NISCH: variants seen among roughly 807,000 people sequenced by gnomAD.
The protein encoded by NISCH is I-1 receptor candidate protein.
In NISCH, 55 loss-of-function variants were observed where a neutral mutation model predicts 138.4. The ratio of observed to expected loss-of-function variants is 0.40; its 90% confidence interval spans 0.32 to 0.50. The LOEUF is 0.50. NISCH is among the 20% of genes least tolerant of loss of function. The pLI, the probability that NISCH is intolerant of heterozygous loss-of-function variation, is 0.71. For missense variants in NISCH, 1,643 were observed against 2,005.5 expected (o/e 0.82, Z 3.45); for synonymous variants, 860 against 861.5 (o/e 1.00, Z 0.03).
At chr3:52,484,462 T>TGGGGGGCCCCCCCC in intron 13 of NISCH, 51 bp from the exon 14 acceptor site, 1 of 788,670 alleles carries the variant, frequency 1.3e-6, no homozygotes, top group Non-Finnish European at 1.8e-6. Context: ...ACAGCCGCTC[T>TGGGGGGCCCCCCCC]CCCCGCCCCA....
intron 3 of NISCH, among the ~76,000 whole-genome samples, chr3:52,467,913 A>G (rs1559626878): frequency 6.6e-6 from 1 of 152,160 alleles, no homozygotes; most frequent in Non-Finnish European, 1.5e-5. Context: ...TGCCTAGCCC[A>G]GGGTGATTTT....
At chr3:52,489,272 G>A (rs1341420535) in intron 16 of NISCH, 64 bp from the exon 17 acceptor site, 7 of 1,551,662 alleles carry the variant, frequency 4.5e-6, no homozygotes, top group South Asian at 2.5e-5. Flanking sequence ...CTCTGAAGCT[G>A]CACATGCGAT....
chr3:52,472,818 G>A (rs946830696), intron 6 of NISCH, among the ~76,000 whole-genome samples: 3 of 152,254 alleles, frequency 2.0e-5, no homozygotes, highest in Non-Finnish European at 4.4e-5. Flanking sequence ...ACCCACACAA[G>A]AAACACTCTG....
chr3:52,491,209 G>A (rs1707552654), intron 19 of NISCH, 143 bp from the exon 20 acceptor site: 3 of 1,308,078 alleles, frequency 2.3e-6, no homozygotes, highest in Non-Finnish European at 3.0e-6. Context: ...CCTCCTCCCG[G>A]GCCCCATGAT....
At chr3:52,478,007 G>T (rs1475543154) in intron 9 of NISCH, 90 bp from the exon 10 acceptor site, 1 of 1,385,552 alleles carries the variant, frequency 7.2e-7, no homozygotes, top group Admixed American at 1.8e-5. Context: ...GGTAGTTTGG[G>T]TTGGAAGGCC....
Position 52,455,663 on chromosome 3 carries a change from G to A in NISCH, c.22G>A (p.Gly8Arg). The A allele has an allele frequency of 7.4e-7, 1 of 1,353,802 alleles. No individual in the cohort carries two copies. Among genetic ancestry groups the A allele is most frequent in the Non-Finnish European group, 9.6e-7 (1 of 1,044,020 alleles). 83.9% of individuals were successfully genotyped at this position (1,353,802 alleles called of 1,614,324 possible). A position where few individuals can be genotyped will look rare whatever the true frequency, so the allele number is the denominator to read the frequency against. MATARTF[G>R]PEREAEPAKE... ...GAACATGGCGACCGCGCGCACCTTC[G>A]GGCCCGAGCGGGAAGCCGAGCCGGC... Residue 8 changes from glycine (G) to arginine (R), a missense_variant, in exon 1 of 21, where the codon GGG (glycine) becomes AGG (arginine). Physicochemically the swap from Gly to Arg is moderately radical, Grantham distance 125. Coordinates refer to ENST00000345716, the MANE Select transcript of NISCH (RefSeq NM_007184.4).
intron 1 of NISCH, among the ~76,000 whole-genome samples, chr3:52,457,266 G>A (rs1161572314): frequency 6.6e-6 from 1 of 152,158 alleles, no homozygotes; most frequent in Non-Finnish European, 1.5e-5. Flanking sequence ...TCCTGATAGA[G>A]CTTAGTTGCT....
chr3:52,487,105 T>C lies in NISCH; in HGVS notation c.1704-91T>C, dbSNP rs1707419232. On this transcript the variant is annotated intron_variant, in intron 15 of 20. Coordinates refer to ENST00000345716, the MANE Select transcript of NISCH (RefSeq NM_007184.4). This position sits in a 1 kb window ranked among gnomAD's most constrained non-coding sequence, Gnocchi z 9.1. The stretch of plus-strand genomic sequence containing the variant: ...AGACCCATGGGTTGGTTTCTCAGGG[T>C]CAGGGTGTAGCAGTGGGCTCCAGAT... 6.9e-6 allele frequency: 10 copies of C among 1,453,648 alleles called. No individual in the cohort carries two copies. Among genetic ancestry groups the C allele is most frequent in the Non-Finnish European group, 7.4e-6 (8 of 1,077,226 alleles). The allele number at this position is 1,453,648 out of a possible 1,614,324, so 90.0% of individuals were successfully genotyped here. A position where few individuals can be genotyped will look rare whatever the true frequency, so the allele number is the denominator to read the frequency against.
intron 1 of NISCH, among the ~76,000 whole-genome samples, 195 bp downstream of exon 1, chr3:52,455,929 G>C (rs1387125344): frequency 1.3e-5 from 2 of 151,578 alleles, no homozygotes; most frequent in African/African-American, 4.9e-5. Flanking sequence ...AGGGTTGCTC[G>C]GGGCCCGGGG....
At chr3:52,480,401 G>A (rs1331582978) in intron 13 of NISCH, 106 bp downstream of exon 13, 2 of 1,556,304 alleles carry the variant, frequency 1.3e-6, no homozygotes, top group Non-Finnish European at 1.7e-6. Flanking sequence ...TTCCAACAGG[G>A]TCAGACACAG....
At position 52,479,773 on chromosome 3, in the gene NISCH, A is replaced by G; in HGVS notation, c.1327A>G (p.Thr443Ala). Residue 443 changes from threonine to alanine, a missense_variant, in exon 12 of 21, where the codon ACA (threonine) becomes GCA (alanine). Transcript: ENST00000345716. ...GGTCTGTCTGGATGACACAGTGACC[A>G]CAGAGAAGGAGCTGGACACTGTGGA... Reference protein sequence around the residue: ...SEVCLDDTVTTEKELDTVEVL... With the variant: ...SEVCLDDTVTAEKELDTVEVL... The G allele has an allele frequency of 6.2e-7, 1 of 1,613,652 alleles. No individual in the cohort carries two copies. Among genetic ancestry groups the G allele is most frequent in the Non-Finnish European group, 8.5e-7 (1 of 1,179,790 alleles).
At chr3:52,477,803 C>G (rs1707147563) in intron 9 of NISCH, 161 bp downstream of exon 9, 2 of 661,946 alleles carry the variant, frequency 3.0e-6, no homozygotes, top group African/African-American at 1.8e-5. Flanking sequence ...GATTGTTGCT[C>G]TAGTTCCAAA....
Position 52,492,628 on chromosome 3 carries a change from T to G in NISCH, c.*146T>G. 9.0e-7 allele frequency: 1 copy of G among 1,109,544 alleles called. No homozygotes were observed. The allele number at this position is 1,109,544 out of a possible 1,614,324, so 68.7% of individuals were successfully genotyped here. On this transcript the variant is annotated 3_prime_UTR_variant, in exon 21 of 21. Coordinates refer to ENST00000345716, the MANE Select transcript of NISCH (RefSeq NM_007184.4). ...AGAGAATGTGAACATGTGTGTGTGT[T>G]GTGTTAATTCTTTCTCATGTTGGGA...
intron 3 of NISCH, among the ~76,000 whole-genome samples, chr3:52,462,332 A>G (rs1483027551): frequency 2.0e-5 from 3 of 152,172 alleles, no homozygotes; most frequent in Non-Finnish European, 4.4e-5. Flanking sequence ...GCTTCTACCC[A>G]CTGGATGCCA....
At chr3:52,468,580 G>A (rs1198983988) in intron 3 of NISCH, among the ~76,000 whole-genome samples, 1 of 152,130 alleles carries the variant, frequency 6.6e-6, no homozygotes, top group Non-Finnish European at 1.5e-5. Flanking sequence ...GACTGAAGTT[G>A]AACTTCAGAG....
At position 52,478,239 on chromosome 3, in the gene NISCH, A is replaced by C. The variant is rs1707161882; in HGVS notation, c.1130A>C (p.Tyr377Ser). ...LESLSGLHKL[Y>S]SLVNLDLRDN... ...AGTCTGAGTGGCCTGCACAAGCTCT[A>C]CTCACTGGTCAACCTGGATCTCCGG... Residue 377 changes from tyrosine (Y) to serine (S), a missense_variant, in exon 10 of 21, where the codon TAC (tyrosine) becomes TCC (serine). Tyr to Ser is a moderately radical substitution (Grantham distance 144). Coordinates refer to ENST00000345716, the MANE Select transcript of NISCH (RefSeq NM_007184.4). 1 of 1,613,912 alleles carries C rather than the reference A, an allele frequency of 6.2e-7. No homozygotes were observed. Among genetic ancestry groups the C allele is most frequent in the East Asian group, 2.2e-5 (1 of 44,890 alleles).
intron 6 of NISCH, 63 bp downstream of exon 6, chr3:52,472,461 A>T: frequency 7.0e-7 from 1 of 1,422,270 alleles, no homozygotes; most frequent in Non-Finnish European, 9.9e-7. Context: ...AGTGTTTGTG[A>T]TGTTGGGTGT....
chr3:52,472,563 A>G (rs998469237), intron 6 of NISCH, among the ~76,000 whole-genome samples, 165 bp downstream of exon 6: 1 of 152,192 alleles, frequency 6.6e-6, no homozygotes, highest in African/African-American at 2.4e-5. Context: ...GCGGAGAAAG[A>G]GAGGCCTCTC....
At chr3:52,464,714 G>C (rs1052187391) in intron 3 of NISCH, among the ~76,000 whole-genome samples, 3 of 151,866 alleles carry the variant, frequency 2.0e-5, no homozygotes, top group African/African-American at 7.3e-5. Context: ...TAGTAGAGAT[G>C]GGGTTTTACC....
Sources: allele counts gnomAD v4.1 joint callset (sites outside exome capture counted in the v4.1 genomes callset), GRCh38; gene constraint gnomAD v4.1.1; non-coding constraint Gnocchi (gnomAD v3.1); transcripts MANE v1.5; gene names NCBI Gene and HGNC (gene_info 2026-07-23, HGNC 2026-07-21).